The following DYNC1I1 variants were observed in gnomAD, a reference collection of about 807,000 sequenced individuals.
DYNC1I1 encodes the protein dynein cytoplasmic 1 intermediate chain 1.
A neutral mutation model predicts 86.6 loss-of-function variants in DYNC1I1; 43 were observed. The observed-to-expected ratio is 0.50, with a 90% CI of 0.39 to 0.64. The LOEUF is 0.64. DYNC1I1 is among the 30% of genes least tolerant of loss of function. The probability of loss-of-function intolerance (pLI) is 0.00; values close to 1 mark genes in which losing one functional copy is unlikely to be tolerated. For synonymous variants in DYNC1I1, 262 were observed against 283.7 expected (o/e 0.92, Z 0.77); for missense variants, 604 against 788.8 (o/e 0.77, Z 2.81).
intron 14 of DYNC1I1, among the ~76,000 whole-genome samples, chr7:96,071,516 A>G (rs1259324307): frequency 2.0e-5 from 3 of 152,308 alleles, no homozygotes; most frequent in African/African-American, 7.2e-5. Flanking sequence ...TTCAGATAAT[A>G]TAATTATAGT....
intron 14 of DYNC1I1, among the ~76,000 whole-genome samples, chr7:96,067,462 T>A (rs1366053606): frequency 2.7e-5 from 4 of 148,754 alleles, no homozygotes; most frequent in East Asian, 1.9e-4. Context: ...TTTTTTTTTT[T>A]ATTTCTTCTT....
At chr7:95,993,540 A>G (rs1168680907) in intron 9 of DYNC1I1, among the ~76,000 whole-genome samples, 3 of 152,110 alleles carry the variant, frequency 2.0e-5, no homozygotes, top group Admixed American at 6.5e-5. Flanking sequence ...GTTTATCTGG[A>G]TGTTAGTTTC....
At chr7:95,950,260 C>T (rs1792517402) in intron 6 of DYNC1I1, among the ~76,000 whole-genome samples, 1 of 152,136 alleles carries the variant, frequency 6.6e-6, no homozygotes, top group Admixed American at 6.5e-5. Flanking sequence ...CACTTGCCAG[C>T]CTTTGAATAT....
intron 6 of DYNC1I1, among the ~76,000 whole-genome samples, chr7:95,889,160 G>A (rs1333290957): frequency 6.6e-6 from 1 of 152,130 alleles, no homozygotes; most frequent in East Asian, 1.9e-4. Flanking sequence ...ACTCAAAATT[G>A]TTGCAAAGTG....
In DYNC1I1 at chr7:95,912,100, G is replaced by A. The variant is rs986732261; in HGVS notation, c.490+42102G>A. ...TGCCTGGGCTGGAGTGCAGTGGTGT[G>A]ATCTCAGCTCACTGCAACCTCCACC... On this transcript the variant is annotated intron_variant, in intron 6 of 16. Coordinates refer to ENST00000447467, the MANE Select transcript of DYNC1I1 (RefSeq NM_001135556.2). Among the ~76,000 whole-genome samples the A allele has an allele frequency of 2.6e-5, 4 of 151,946 alleles. No individual in the cohort carries two copies. The East Asian group carries it at 5.8e-4, about 22-fold the overall frequency.
At chr7:95,794,235 C>G (rs934032831) in intron 1 of DYNC1I1, among the ~76,000 whole-genome samples, 1 of 152,182 alleles carries the variant, frequency 6.6e-6, no homozygotes, top group Non-Finnish European at 1.5e-5. Context: ...CTCTTCTGCC[C>G]TAATTTCCAG....
intron 16 of DYNC1I1, among the ~76,000 whole-genome samples, chr7:96,105,658 C>T (rs2116351633): frequency 6.6e-6 from 1 of 152,252 alleles, no homozygotes; most frequent in Middle Eastern, 3.4e-3. Flanking sequence ...TGATTATGCT[C>T]ACATGAGGAG....
chr7:95,843,882 A>G (rs914088832), intron 5 of DYNC1I1, among the ~76,000 whole-genome samples: 1 of 152,244 alleles, frequency 6.6e-6, no homozygotes, highest in African/African-American at 2.4e-5. Context: ...ATAACAGGAT[A>G]AAAAGAGTAA....
chr7:95,875,689 C>T (rs1228872183), intron 6 of DYNC1I1, among the ~76,000 whole-genome samples: 1 of 152,210 alleles, frequency 6.6e-6, no homozygotes, highest in Admixed American at 6.5e-5. Flanking sequence ...TCCCTGGCAG[C>T]ATGCTGGCTG....
At chr7:95,968,947 G>T (rs111859268) in intron 6 of DYNC1I1, among the ~76,000 whole-genome samples, 9 of 151,390 alleles carry the variant, frequency 5.9e-5, no homozygotes, top group Non-Finnish European at 1.3e-4. Context: ...TGTCTTACAC[G>T]CCTCAAGGAG....
intron 9 of DYNC1I1, among the ~76,000 whole-genome samples, chr7:95,991,128 A>G (rs1793720408): frequency 6.6e-6 from 1 of 152,240 alleles, no homozygotes; most frequent in African/African-American, 2.4e-5. Context: ...GTGACATAGT[A>G]GTGAGAAGAG....
chr7:95,932,175 A>G (rs1390183422), intron 6 of DYNC1I1, among the ~76,000 whole-genome samples: 1 of 152,154 alleles, frequency 6.6e-6, no homozygotes, highest in African/African-American at 2.4e-5. Context: ...AGTTAAACTT[A>G]TTTTATCATC....
chr7:96,076,725 C>G (rs937505736), intron 15 of DYNC1I1, among the ~76,000 whole-genome samples: 6 of 152,252 alleles, frequency 3.9e-5, no homozygotes, highest in Middle Eastern at 3.4e-3. Context: ...TCTAAGATAT[C>G]AAATTCAGAG....
At chr7:96,101,553 T>A (rs193202540), downstream of DYNC1I1, among the ~76,000 whole-genome samples, 27 of 152,282 alleles carry the variant, frequency 1.8e-4, 1 homozygote, top group Admixed American at 1.4e-3. Flanking sequence ...ATTTGAAGAC[T>A]ATTGGGTACA....
At position 95,897,010 on chromosome 7, in the gene DYNC1I1, T is replaced by G. The variant is rs536858967; in HGVS notation, c.490+27012T>G. On this transcript the variant is annotated intron_variant, in intron 6 of 16. Coordinates refer to ENST00000447467, the MANE Select transcript of DYNC1I1 (RefSeq NM_001135556.2). ...TAACTTGTAAGACCAACATAGAAAT[T>G]TATCTGTAGTTTATCAGTGAAAGTT... 4.6e-5 allele frequency among the ~76,000 whole-genome samples: 7 copies of G among 152,322 alleles called. No individual in the cohort carries two copies. In the South Asian group the frequency reaches 1.5e-3, roughly 32 times the overall value.
At chr7:95,960,398 C>T (rs774012952) in intron 6 of DYNC1I1, among the ~76,000 whole-genome samples, 13 of 152,128 alleles carry the variant, frequency 8.5e-5, no homozygotes, top group Admixed American at 5.9e-4. Flanking sequence ...TGAGCCACCA[C>T]GCCCGGCCAA....
intron 10 of DYNC1I1, among the ~76,000 whole-genome samples, chr7:96,013,862 A>C (rs777311227): frequency 1.3e-5 from 2 of 152,118 alleles, no homozygotes; most frequent in African/African-American, 2.4e-5. Context: ...GAGGCTTCCA[A>C]CTCCAAAGGA....
At chr7:96,037,751 T>C (rs1418340336) in intron 13 of DYNC1I1, among the ~76,000 whole-genome samples, 1 of 152,120 alleles carries the variant, frequency 6.6e-6, no homozygotes, top group African/African-American at 2.4e-5. Context: ...AAAAGAAGGG[T>C]CCCTATGGCA....
intron 12 of DYNC1I1, 65 bp from the exon 13 acceptor site, chr7:96,035,554 C>T: frequency 6.7e-7 from 1 of 1,497,402 alleles, no homozygotes; most frequent in African/African-American, 1.4e-5. Flanking sequence ...AATGATTTTT[C>T]CGTGCTATCT....
Sources: allele counts gnomAD v4.1 joint callset (sites outside exome capture counted in the v4.1 genomes callset), GRCh38; gene constraint gnomAD v4.1.1; transcripts MANE v1.5; gene names NCBI Gene and HGNC (gene_info 2026-07-23, HGNC 2026-07-21).